The following POLRMT variants were observed in gnomAD, a reference collection of about 807,000 sequenced individuals.
The protein encoded by POLRMT is RNA polymerase mitochondrial.
POLRMT carries 114 observed loss-of-function variants against 132.2 expected under a neutral mutation model. That is an observed-to-expected ratio of 0.86 (90% CI 0.74 to 1.01). The LOEUF (loss-of-function observed/expected upper bound fraction) is 1.01, where lower values mean the gene tolerates loss of function less well. POLRMT is among the 50% of genes least tolerant of loss of function. POLRMT has a pLI of 0.00. For synonymous variants in POLRMT, 1,020 were observed against 773.4 expected (o/e 1.32, Z -5.29); for missense variants, 2,003 against 1,729.1 (o/e 1.16, Z -2.81).
chr19:617,993 GCCCCT>G (rs1170172432), intron 17 of POLRMT, 144 bp from the exon 18 acceptor site: 2 of 525,994 alleles, frequency 3.8e-6, no homozygotes, highest in East Asian at 3.2e-5. Flanking sequence ...CCCTCGCCCC[GCCCCT>G]CCCCAAACAT....
intron 3 of POLRMT, among the ~76,000 whole-genome samples, chr19:628,967 G>A (rs1284409609): frequency 2.6e-5 from 4 of 152,024 alleles, no homozygotes; most frequent in African/African-American, 7.2e-5. Flanking sequence ...TCGCACCACC[G>A]CACTCCAACC....
chr19:629,777 C>A lies in POLRMT; in HGVS notation c.585G>T (p.Leu195=). ...SPWEEQLARL[L]QEAPGKLSLD... ...GGCTCAGCTTCCCAGGGGCCTCCTG[C>A]AGCAGCCGGGCCAGCTGCTCCTCCC... is the stretch of plus-strand genomic sequence containing the variant. Residue 195 remains leucine (L), a synonymous_variant, in exon 3 of 21, where the codon CTG becomes CTT. Transcript: ENST00000588649. The A allele has an allele frequency of 6.4e-7, 1 of 1,568,366 alleles. No homozygotes were observed. The highest frequency in any genetic ancestry group is 8.6e-7 in the Non-Finnish European group (1 of 1,158,166).
intron 4 of POLRMT, 74 bp from the exon 5 acceptor site, chr19:624,979 G>A (rs897840718): frequency 1.2e-5 from 18 of 1,539,026 alleles, no homozygotes; most frequent in East Asian, 2.3e-5. Flanking sequence ...GGGGAACCTC[G>A]TGACCACCTC....
chr19:619,137 A>AG, intron 14 of POLRMT, 27 bp from the exon 15 acceptor site: 1 of 1,610,494 alleles, frequency 6.2e-7, no homozygotes, highest in Non-Finnish European at 8.5e-7. Context: ...GTCTCAGGGC[A>AG]GGGGGCTCAG....
At chr19:632,683 G>C in intron 2 of POLRMT, 151 bp downstream of exon 2, 1 of 616,286 alleles carries the variant, frequency 1.6e-6, no homozygotes, top group Non-Finnish European at 2.7e-6. Context: ...AGCGGTGCAA[G>C]AGATGTTTCA....
rs373178127 is a variant in POLRMT, at chr19:620,085, G to A, written c.2764-5C>T. 1.8e-5 allele frequency: 27 copies of A among 1,538,578 alleles called. No homozygotes were observed. The Admixed American group carries it at 4.1e-4, about 23-fold the overall frequency. ...CAGGCCGTTGCAAGAGCCGTCCTGA[G>A]GAAGGGGCGGCAAACGGGAGATGGA... is the stretch of plus-strand genomic sequence containing the variant. On this transcript the variant is annotated splice_polypyrimidine_tract_variant and splice_region_variant and intron_variant, in intron 11 of 20. Transcript: ENST00000588649.
intron 12 of POLRMT, 50 bp from the exon 13 acceptor site, chr19:619,815 G>T (rs371949661): frequency 2.4e-4 from 369 of 1,550,216 alleles, no homozygotes; most frequent in Non-Finnish European, 3.2e-4. Context: ...TAGCAGCCCA[G>T]GGGCCACCAA....
intron 2 of POLRMT, among the ~76,000 whole-genome samples, chr19:631,290 C>T (rs932808248): frequency 6.9e-6 from 1 of 145,710 alleles, no homozygotes; most frequent in African/African-American, 2.6e-5. Flanking sequence ...ATCAGGCCAC[C>T]GTGCTGCAGC....
Position 619,745 on chromosome 19 carries a change from C to T in POLRMT, c.2907G>A (p.Gln969=). 1 of 1,588,832 alleles carries T rather than the reference C, an allele frequency of 6.3e-7. No individual in the cohort carries two copies. The highest frequency in any genetic ancestry group is 8.6e-7 in the Non-Finnish European group (1 of 1,167,480). Residue 969 remains glutamine, a synonymous_variant, in exon 13 of 21, where the codon CAG becomes CAA. Transcript: ENST00000588649. ...VAAQVEVFRR[Q]DAQRGMRVAQ... ...CCACCCGCATGCCCCGCTGGGCGTC[C>T]TGCCTACGGAACACCTCCACCTGCA...
At chr19:617,698 T>G (rs1300587999) in intron 18 of POLRMT, 43 bp from the exon 19 acceptor site, 1 of 1,610,746 alleles carries the variant, frequency 6.2e-7, no homozygotes, top group Non-Finnish European at 8.5e-7. Context: ...TCAGGCAGGC[T>G]CTGGGCACCA....
chr19:630,699 G>C (rs10402097), intron 2 of POLRMT, among the ~76,000 whole-genome samples: 14,334 of 152,086 alleles, frequency 0.094, 1,270 homozygotes, highest in African/African-American at 0.23. Context: ...CCAGCTGGTG[G>C]AGCTGCCACA....
In POLRMT at chr19:629,612, G is replaced by A. The variant is rs750320659; in HGVS notation, c.750C>T (p.His250=). The part of the protein sequence containing the change: ...PLAHHLLVVH[H]GQRQKRKLLT... ...GCAGCTTCCGCTTCTGCCGCTGGCC[G>A]TGGTGGACGACCAGCAGGTGGTGGG... The change falls in exon 3 of 21, where the codon CAC becomes CAT. Residue 250 remains histidine (H), a synonymous_variant. Coordinates refer to ENST00000588649, the MANE Select transcript of POLRMT (RefSeq NM_005035.4). The A allele has an allele frequency of 1.0e-5, 16 of 1,606,994 alleles. No individual in the cohort carries two copies. The highest frequency in any genetic ancestry group is 2.2e-5 in the South Asian group (2 of 90,500).
intron 2 of POLRMT, 42 bp from the exon 3 acceptor site, chr19:630,210 C>T (rs1299771114): frequency 3.3e-6 from 5 of 1,530,206 alleles, no homozygotes. Flanking sequence ...GGACCCCCTC[C>T]CCATTCGAGC....
In POLRMT at chr19:621,445, C is replaced by T. The variant is rs764015070; in HGVS notation, c.2253G>A (p.Ala751=). 8.4e-5 allele frequency: 119 copies of T among 1,413,856 alleles called. No homozygotes were observed. The highest frequency in any genetic ancestry group is 1.1e-4 in the Non-Finnish European group (115 of 1,091,006). The allele number at this position is 1,413,856 out of a possible 1,614,324, so 87.6% of individuals were successfully genotyped here. A position where few individuals can be genotyped will look rare whatever the true frequency, so the allele number is the denominator to read the frequency against. ...GGCGCAGCTCGGCCTTGCGGGCGGG[C>T]GCGGCGCTGTGCGGCAGGTGGGCCT... ...PPEAHLPHSA[A]PARKAELRRE... Residue 751 remains alanine (A), a synonymous_variant, in exon 10 of 21, where the codon GCG becomes GCA. Transcript: ENST00000588649.
At chr19:632,557 C>T (rs1985501283) in intron 2 of POLRMT, among the ~76,000 whole-genome samples, 1 of 151,358 alleles carries the variant, frequency 6.6e-6, no homozygotes, top group Non-Finnish European at 1.5e-5. Flanking sequence ...TCTCTCCAGA[C>T]ATAATCTTGG....
rs778351738 is a variant in POLRMT at position 624,829 on chromosome 19, G to A, written c.1030C>T (p.Arg344Trp). Residue 344 changes from arginine to tryptophan, a missense_variant, in exon 5 of 21, where the codon CGG (arginine) becomes TGG (tryptophan). Coordinates refer to ENST00000588649, the MANE Select transcript of POLRMT (RefSeq NM_005035.4). Reference protein sequence around the residue: ...FTAVLLSEEDRATVLKAVHKV... With the variant: ...FTAVLLSEEDWATVLKAVHKV... ...TGCACGGCCTTCAGAACAGTGGCCC[G>A]ATCCTCCTCAGACAGCAGAACGGCG... 6.2e-6 allele frequency: 10 copies of A among 1,613,256 alleles called. No individual in the cohort carries two copies. Among genetic ancestry groups the A allele is most frequent in the South Asian group, 3.3e-5 (3 of 91,092 alleles).
Position 617,252 on chromosome 19 carries a change from C to A in POLRMT, c.*22G>T. ...GGGTGGCAAAAGAGCTTTATTTACA[C>A]ACTGACAAGGCTCACGGGGTGTCAG... On this transcript the variant is annotated 3_prime_UTR_variant, in exon 21 of 21. Coordinates refer to ENST00000588649, the MANE Select transcript of POLRMT (RefSeq NM_005035.4). 6.2e-7 allele frequency: 1 copy of A among 1,612,290 alleles called. No individual in the cohort carries two copies. The highest frequency in any genetic ancestry group is 1.1e-5 in the South Asian group (1 of 91,048).
At chr19:627,146 GCAT>G (rs1985079822) in intron 3 of POLRMT, among the ~76,000 whole-genome samples, 1 of 134,792 alleles carries the variant, frequency 7.4e-6, no homozygotes, top group Non-Finnish European at 1.6e-5. Context: ...GAGTTTTGGG[GCAT>G]TTTTTTTTTT....
At chr19:618,428 T>C (rs1050814539) in intron 17 of POLRMT, 60 bp downstream of exon 17, 5 of 1,348,004 alleles carry the variant, frequency 3.7e-6, no homozygotes, top group Admixed American at 2.0e-5. Flanking sequence ...AGCTGTGCCC[T>C]GCTAGCCAGA....
Sources: allele counts gnomAD v4.1 joint callset (sites outside exome capture counted in the v4.1 genomes callset), GRCh38; gene constraint gnomAD v4.1.1; transcripts MANE v1.5; gene names NCBI Gene and HGNC (gene_info 2026-07-23, HGNC 2026-07-21).